ZWILCH: variants seen among roughly 807,000 people sequenced by gnomAD.
ZWILCH encodes protein zwilch homolog.
Under a neutral mutation model 79.9 loss-of-function variants are expected in ZWILCH, and 74 were observed. That is an observed-to-expected ratio of 0.93 (90% CI 0.77 to 1.12). ZWILCH has a LOEUF of 1.12. Ranked by LOEUF, ZWILCH falls within the 50% of genes most tolerant of loss-of-function variation. ZWILCH has a pLI of 0.00. For synonymous variants in ZWILCH, 241 were observed against 228.2 expected (o/e 1.06, Z -0.51); for missense variants, 694 against 687.5 (o/e 1.01, Z -0.11).
At chr15:66,543,618 G>A (rs1595924273) in intron 17 of ZWILCH, among the ~76,000 whole-genome samples, 1 of 152,212 alleles carries the variant, frequency 6.6e-6, no homozygotes, top group South Asian at 2.1e-4. Flanking sequence ...TTAGCTGCGT[G>A]TGGTGGCATA....
intron 1 of ZWILCH, 123 bp downstream of exon 1, chr15:66,505,514 TC>T: frequency 1.6e-6 from 2 of 1,238,334 alleles, no homozygotes; most frequent in Non-Finnish European, 2.3e-6. Context: ...TTTCCTGGGG[TC>T]CAGGAGTTGG....
Position 66,537,247 on chromosome 15 carries a change from A to G in ZWILCH, c.1558A>G (p.Lys520Glu). 1 of 1,612,856 alleles carries G rather than the reference A, an allele frequency of 6.2e-7. No individual in the cohort carries two copies. The highest frequency in any genetic ancestry group is 8.5e-7 in the Non-Finnish European group (1 of 1,179,776). The change falls in exon 16 of 19, where the codon AAG becomes GAG. Residue 520 changes from lysine (K) to glutamate (E), a missense_variant. Transcript: ENST00000307897. ...GCTGCCAGTCAGACCAACTGCTGTA[A>G]AGAACTTATATCAAAGGTAAGCAAT... ...FQLPVRPTAVKNLYQSEKPQK... is the reference protein window; with the variant it reads ...FQLPVRPTAVENLYQSEKPQK...
At position 66,515,618 on chromosome 15, in the gene ZWILCH, A is replaced by C. The variant is rs763705169; in HGVS notation, c.294A>C (p.Pro98=). 1.8e-5 allele frequency: 29 copies of C among 1,613,522 alleles called. No individual in the cohort carries two copies. The highest frequency in any genetic ancestry group is 1.9e-5 in the Non-Finnish European group (23 of 1,179,864). ...TCTCTACTGGCGAAAATGTTGGACCACTTGCTTTACCAGTTGGGAAGGCAA... is the reference window on the plus strand; with the variant it reads ...TCTCTACTGGCGAAAATGTTGGACCCCTTGCTTTACCAGTTGGGAAGGCAA... ...SDFSTGENVG[P]LALPVGKARQ... is the part of the protein sequence containing the mutation. The change falls in exon 4 of 19, where the codon CCA becomes CCC. Residue 98 remains proline (P), a synonymous_variant. Transcript: ENST00000307897.
chr15:66,511,494 CAAAAAAA>C (rs368695686), intron 2 of ZWILCH, among the ~76,000 whole-genome samples: 16 of 86,308 alleles, frequency 1.9e-4, no homozygotes, highest in Middle Eastern at 6.1e-3. Context: ...GCCTGTCTTC[CAAAAAAA>C]AAAAAAAAAG....
At chr15:66,537,104 T>C in intron 15 of ZWILCH, 64 bp from the exon 16 acceptor site, 1 of 1,304,536 alleles carries the variant, frequency 7.7e-7, no homozygotes, top group Non-Finnish European at 1.1e-6. Context: ...AGCTTTAGAC[T>C]ACCAGAAAAA....
chr15:66,508,307 GA>G (rs1432194138), intron 1 of ZWILCH, among the ~76,000 whole-genome samples: 3 of 152,164 alleles, frequency 2.0e-5, no homozygotes, highest in Non-Finnish European at 2.9e-5. Context: ...CTTACATTTT[GA>G]AAAGGAAATG....
intron 16 of ZWILCH, among the ~76,000 whole-genome samples, 198 bp downstream of exon 16, chr15:66,537,461 C>T (rs989670308): frequency 1.8e-4 from 27 of 151,740 alleles, no homozygotes; most frequent in South Asian, 1.0e-3. Flanking sequence ...GAGGCCGAGG[C>T]GGGTGGATCC....
chr15:66,513,969 TC>T lies in ZWILCH; in HGVS notation c.106-18del. The T allele has an allele frequency of 6.3e-7, 1 of 1,587,814 alleles. No individual in the cohort carries two copies. The highest frequency in any genetic ancestry group is 8.6e-7 in the Non-Finnish European group (1 of 1,160,520). On this transcript the variant is annotated intron_variant, in intron 2 of 18. Coordinates refer to ENST00000307897, the MANE Select transcript of ZWILCH (RefSeq NM_017975.5). ...TATATAAGTGTATGTATAATGTTGC[TC>T]GATACCTGTTTTAACAGGCTGATGT...
chr15:66,547,138 A>G (rs904758581), intron 18 of ZWILCH: 1 of 150,990 alleles, frequency 6.6e-6, no homozygotes, highest in East Asian at 1.9e-4. Flanking sequence ...TCTTCTTAAA[A>G]TGTTTTGATT....
chr15:66,540,219 G>T lies in ZWILCH; in HGVS notation c.1687+9G>T, dbSNP rs776782214. 2 of 1,590,526 alleles carry T rather than the reference G, an allele frequency of 1.3e-6. No individual in the cohort carries two copies. The highest frequency in any genetic ancestry group is 1.7e-6 in the Non-Finnish European group (2 of 1,160,272). On this transcript the variant is annotated intron_variant, in intron 17 of 18. Transcript: ENST00000307897. ...GAATTTTCACAAACCTGGTAAAGAT[G>T]GTTTATAATCTGTTCAGATAAATAA...
intron 2 of ZWILCH, among the ~76,000 whole-genome samples, chr15:66,511,377 A>G (rs1223129967): frequency 2.0e-5 from 3 of 151,872 alleles, no homozygotes; most frequent in African/African-American, 4.8e-5. Flanking sequence ...AGTCCCAGCT[A>G]CTACTACTGG....
chr15:66,513,790 C>A, intron 2 of ZWILCH, 198 bp from the exon 3 acceptor site: 1 of 307,650 alleles, frequency 3.3e-6, no homozygotes, highest in Non-Finnish European at 6.2e-6. Flanking sequence ...CCAGGATGGT[C>A]TCAATCTCCT....
intron 1 of ZWILCH, among the ~76,000 whole-genome samples, chr15:66,508,294 A>G (rs574981274): frequency 1.3e-5 from 2 of 152,226 alleles, no homozygotes; most frequent in Admixed American, 6.5e-5. Context: ...CTGGAGTTTC[A>G]TGCTTACATT....
chr15:66,541,208 A>G (rs1212785021), intron 17 of ZWILCH, among the ~76,000 whole-genome samples: 1 of 151,860 alleles, frequency 6.6e-6, no homozygotes, highest in Non-Finnish European at 1.5e-5. Context: ...GAATCACTTA[A>G]CCCAGGAAGT....
At chr15:66,510,288 G>A (rs1461069501) in intron 2 of ZWILCH, among the ~76,000 whole-genome samples, 1 of 151,522 alleles carries the variant, frequency 6.6e-6, no homozygotes, top group Non-Finnish European at 1.5e-5. Flanking sequence ...TAGAGAGGCT[G>A]AGGCAGGAGA....
chr15:66,517,461 T>C (rs954769242), intron 4 of ZWILCH, among the ~76,000 whole-genome samples: 3 of 141,244 alleles, frequency 2.1e-5, no homozygotes, highest in Non-Finnish European at 4.6e-5. Context: ...TATATAGTAA[T>C]GTACACACAT....
chr15:66,532,270 A>G lies in ZWILCH; in HGVS notation c.1179A>G (p.Leu393=), dbSNP rs758074174. The change falls in exon 13 of 19, where the codon TTA becomes TTG. Residue 393 remains leucine (L), a synonymous_variant. Coordinates refer to ENST00000307897, the MANE Select transcript of ZWILCH (RefSeq NM_017975.5). ...QPWLHSGSNS[L]LSKLIHQSYH... is the part of the protein sequence containing the mutation. ...AGCTCCATAGTGGAAGTAACAGTTTACTAAGTAAGCTCATTCATCAGTCTT... is the reference window on the plus strand; with the variant it reads ...AGCTCCATAGTGGAAGTAACAGTTTGCTAAGTAAGCTCATTCATCAGTCTT... 2.5e-6 allele frequency: 4 copies of G among 1,600,124 alleles called. No individual in the cohort carries two copies. Among genetic ancestry groups the G allele is most frequent in the Non-Finnish European group, 1.7e-6 (2 of 1,174,724 alleles).
At chr15:66,528,494 T>A (rs1894752332) in intron 10 of ZWILCH, among the ~76,000 whole-genome samples, 1 of 152,214 alleles carries the variant, frequency 6.6e-6, no homozygotes, top group Admixed American at 6.5e-5. Flanking sequence ...TTAATATTAC[T>A]ATAAAATGGC....
In ZWILCH at chr15:66,549,778, G is replaced by T. The variant is rs970418806; in HGVS notation, c.*1454G>T. 2 of 286,606 alleles carry T rather than the reference G, an allele frequency of 7.0e-6. No homozygotes were observed. The highest frequency in any genetic ancestry group is 4.4e-5 in the African/African-American group (2 of 45,408). 17.8% of individuals were successfully genotyped at this position (286,606 alleles called of 1,614,324 possible). ...AAGCCCACTATAACAAAAATAGTAG[G>T]TATATAAATTTATAGGTATGATTCT... is the stretch of plus-strand genomic sequence containing the variant. On this transcript the variant is annotated 3_prime_UTR_variant, in exon 19 of 19. Coordinates refer to ENST00000307897, the MANE Select transcript of ZWILCH (RefSeq NM_017975.5).
Sources: gnomAD v4.1 joint callset for allele counts (sites outside exome capture counted in the v4.1 genomes callset) on GRCh38, gnomAD v4.1.1 for gene constraint, MANE v1.5 for transcripts, NCBI Gene and HGNC (gene_info 2026-07-23, HGNC 2026-07-21) for gene names.